Variants in PRSS36 observed in about 807,000 individuals in gnomAD.
The protein encoded by PRSS36 is serine protease 36.
PRSS36 carries 90 observed loss-of-function variants against 94.3 expected under a neutral mutation model. That is an observed-to-expected ratio of 0.95 (90% CI 0.80 to 1.14). The LOEUF (loss-of-function observed/expected upper bound fraction) is 1.14. Among genes scored for constraint, PRSS36 ranks in the 50% most tolerant of loss-of-function variants. The pLI is 0.00. For missense variants in PRSS36, 1,158 were observed against 1,135.0 expected, an observed-to-expected ratio of 1.02 and a Z score of -0.29; for synonymous variants, 500 against 489.6, an observed-to-expected ratio of 1.02 and a Z score of -0.28.
At chr16:31,144,197 C>T (rs1024392899) in intron 6 of PRSS36, among the ~76,000 whole-genome samples, 8 of 151,772 alleles carry the variant, frequency 5.3e-5, no homozygotes, top group Non-Finnish European at 8.8e-5. Flanking sequence ...TTTTTTGAGA[C>T]GGAATCTCGC....
In PRSS36 at chr16:31,141,602, G is replaced by A; in HGVS notation, c.1768C>T (p.Leu590=). The A allele has an allele frequency of 6.2e-7, 1 of 1,613,442 alleles. No homozygotes were observed. The highest frequency in any genetic ancestry group is 8.5e-7 in the Non-Finnish European group (1 of 1,179,946). Residue 590 remains leucine, a synonymous_variant, in exon 12 of 15, where the codon CTG becomes TTG. Coordinates refer to ENST00000268281, the MANE Select transcript of PRSS36 (RefSeq NM_173502.5). The stretch of plus-strand genomic sequence containing the variant: ...CCCACTGGAGCAGCCTCCAGCCGCA[G>A]GCCACAGGCTAGGGAGAGGAGGTGG... ...PPHTEHGACG[L]RLEAAPVGVL...
In PRSS36 at chr16:31,141,506, G is replaced by T; in HGVS notation, c.1864C>A (p.Pro622Thr). 6.2e-7 allele frequency: 1 copy of T among 1,612,968 alleles called. No individual in the cohort carries two copies. The highest frequency in any genetic ancestry group is 8.5e-7 in the Non-Finnish European group (1 of 1,179,908). ...TGAGTGGCTGCCAGGACCCAGCCTGGGGCCAGGAGGATCCCAGTGCAGACT... is the reference window on the plus strand; with the variant it reads ...TGAGTGGCTGCCAGGACCCAGCCTGTGGCCAGGAGGATCCCAGTGCAGACT... ...DRVCTGILLA[P>T]GWVLAATHCV... The change falls in exon 12 of 15, where the codon CCA (proline) becomes ACA (threonine). Residue 622 changes from proline to threonine, a missense_variant. Pro to Thr is a conservative substitution (Grantham distance 38). Coordinates refer to ENST00000268281, the MANE Select transcript of PRSS36 (RefSeq NM_173502.5).
intron 12 of PRSS36, among the ~76,000 whole-genome samples, chr16:31,141,051 C>G (rs1366301671): frequency 6.6e-6 from 1 of 152,148 alleles, no homozygotes; most frequent in African/African-American, 2.4e-5. Flanking sequence ...CTCAGCCTCC[C>G]ACGTAGCTGG....
intron 4 of PRSS36, 102 bp downstream of exon 4, chr16:31,148,971 A>T: frequency 7.5e-7 from 1 of 1,330,136 alleles, no homozygotes; most frequent in South Asian, 1.5e-5. Context: ...CTTGGCTCCA[A>T]ATTATCCTTG....
intron 5 of PRSS36, among the ~76,000 whole-genome samples, chr16:31,146,771 G>A (rs969910657): frequency 6.6e-6 from 1 of 152,096 alleles, no homozygotes; most frequent in Non-Finnish European, 1.5e-5. Context: ...CCTGAGGTTA[G>A]GAGTTCAAAA....
chr16:31,147,826 G>C (rs1247187099), intron 5 of PRSS36, among the ~76,000 whole-genome samples: 2 of 152,162 alleles, frequency 1.3e-5, no homozygotes, highest in Non-Finnish European at 2.9e-5. Context: ...TGGATGGAAT[G>C]AGAGGAAGGC....
rs753893928 is a variant in PRSS36, at chr16:31,140,623, G to C, written c.2036C>G (p.Pro679Arg). 3.1e-6 allele frequency: 5 copies of C among 1,612,364 alleles called. No homozygotes were observed. The highest frequency in any genetic ancestry group is 4.2e-6 in the Non-Finnish European group (5 of 1,179,272). The change falls in exon 13 of 15, where the codon CCC becomes CGC. Residue 679 changes from proline (P) to arginine (R), a missense_variant. Physicochemically the swap from Pro to Arg is moderately radical, Grantham distance 103 (BLOSUM62 -2). Transcript: ENST00000268281. ...RLPQHLGLRP[P>R]LALLELSSRV... is the part of the protein sequence containing the mutation. ...GGAGCTCAGCTCCAGGAGGGCCAGG[G>C]GGGGCCTGAGTCCCAGGTGCTGGGG...
rs1354774849 is a variant in PRSS36 at position 31,148,558 on chromosome 16, G to A, written c.390C>T (p.Asn130=). 3 of 1,607,714 alleles carry A rather than the reference G, an allele frequency of 1.9e-6. No homozygotes were observed. The highest frequency in any genetic ancestry group is 4.5e-5 in the East Asian group (2 of 44,778). ...RAVAAIVVPA[N]YSQVELGADL... is the part of the protein sequence containing the mutation. ...CGGCGCCCAGCTCCACTTGGCTGTAGTTGGCCGGCACCACGATGGCGGCCA... is the reference window on the plus strand; with the variant it reads ...CGGCGCCCAGCTCCACTTGGCTGTAATTGGCCGGCACCACGATGGCGGCCA... The change falls in exon 5 of 15, where the codon AAC becomes AAT. Residue 130 remains asparagine (N), a synonymous_variant. Transcript: ENST00000268281.
In PRSS36 at chr16:31,148,404, G is replaced by A; in HGVS notation, c.544C>T (p.Gln182Ter). 1 of 1,567,832 alleles carries A rather than the reference G, an allele frequency of 6.4e-7. No individual in the cohort carries two copies. Among genetic ancestry groups the A allele is most frequent in the South Asian group, 1.1e-5 (1 of 87,268 alleles). ...ACWATGWGDV[Q>*]EADPLPLPWV... is the part of the protein sequence containing the mutation. The stretch of plus-strand genomic sequence containing the variant: ...GTCCCGTCCCACTCACCTGCCTCCT[G>A]GACGTCTCCCCAGCCGGTGGCCCAG... The change falls in exon 5 of 15, where the codon CAG (glutamine) becomes TAG (stop). Residue 182 changes from glutamine to a stop codon, truncating the protein, a stop_gained. Coordinates refer to ENST00000268281, the MANE Select transcript of PRSS36 (RefSeq NM_173502.5). LOFTEE classifies it high-confidence loss of function.
intron 2 of PRSS36, 54 bp from the exon 3 acceptor site, chr16:31,149,552 C>T (rs1205511970): frequency 1.6e-5 from 26 of 1,609,934 alleles, no homozygotes; most frequent in Non-Finnish European, 1.7e-5. Context: ...AGGCCTGCAC[C>T]GCCCAGCCCC....
Position 31,143,682 on chromosome 16 carries a change from A to AC in PRSS36, c.875dup (p.Ser293PhefsTer32). ...TGGGAAAGGCAGGCCCAGGCTCTGAACCCATCACCTGCTCCCGTATCCATG... is the reference window on the plus strand; with the variant it reads ...TGGGAAAGGCAGGCCCAGGCTCTGAACCCCATCACCTGCTCCCGTATCCATG... On this transcript the variant is annotated frameshift_variant, in exon 7 of 15. Coordinates refer to ENST00000268281, the MANE Select transcript of PRSS36 (RefSeq NM_173502.5). LOFTEE classifies it high-confidence loss of function. 6.2e-7 allele frequency: 1 copy of AC among 1,614,022 alleles called. No homozygotes were observed. The highest frequency in any genetic ancestry group is 8.5e-7 in the Non-Finnish European group (1 of 1,180,000).
At position 31,139,039 on chromosome 16, in the gene PRSS36, GGGGCCCTTGAGGTTCCAGCCGGCT is replaced by G. The variant is rs1353474809; in HGVS notation, c.*75_*98del. The G allele has an allele frequency of 7.3e-7, 1 of 1,367,512 alleles. No individual in the cohort carries two copies. Among genetic ancestry groups the G allele is most frequent in the East Asian group, 2.4e-5 (1 of 41,788 alleles). The allele number at this position is 1,367,512 out of a possible 1,614,324, so 84.7% of individuals were successfully genotyped here. On this transcript the variant is annotated 3_prime_UTR_variant, in exon 15 of 15. Coordinates refer to ENST00000268281, the MANE Select transcript of PRSS36 (RefSeq NM_173502.5). ...CAGAGCCGCTGCAATCTCGGTGGGT[GGGGCCCTTGAGGTTCCAGCCGGCT>G]GGGCCACATTCCAGCCCCACTGGGC...
At position 31,143,705 on chromosome 16, in the gene PRSS36, A is replaced by G. The variant is rs2057754566; in HGVS notation, c.853T>C (p.Trp285Arg). 1 of 1,614,030 alleles carries G rather than the reference A, an allele frequency of 6.2e-7. No individual in the cohort carries two copies. Among genetic ancestry groups the G allele is most frequent in the Admixed American group, 1.7e-5 (1 of 60,006 alleles). Residue 285 changes from tryptophan to arginine, a missense_variant, in exon 7 of 15, where the codon TGG (tryptophan) becomes CGG (arginine). By Grantham distance (101) the Trp-to-Arg change is moderately radical (BLOSUM62 -3). Coordinates refer to ENST00000268281, the MANE Select transcript of PRSS36 (RefSeq NM_173502.5). ...GAACCCATCACCTGCTCCCGTATCCATGCCTCATAGGTAGCCACAGCAGTG... is the reference window on the plus strand; with the variant it reads ...GAACCCATCACCTGCTCCCGTATCCGTGCCTCATAGGTAGCCACAGCAGTG... ...VFTAVATYEA[W>R]IREQVMGSEP... is the part of the protein sequence containing the mutation.
chr16:31,144,660 C>T (rs891133888), intron 6 of PRSS36, among the ~76,000 whole-genome samples: 1 of 152,170 alleles, frequency 6.6e-6, no homozygotes, highest in Admixed American at 6.6e-5. Context: ...CATGGTGGCT[C>T]ATGCCTGTAA....
rs1030769284 is a variant in PRSS36, at chr16:31,143,592, C to T, written c.966G>A (p.Leu322=). Reference sequence around the variant, plus strand: ...CCAGGGGTGCCGCCCACTCACCAGGCAGGGCAATGGTGCAGTTCTCCTCCC... The same window carrying T: ...CCAGGGGTGCCGCCCACTCACCAGGTAGGGCAATGGTGCAGTTCTCCTCCC... ...EPREENCTIA[L]PECGKAPRPG... is the part of the protein sequence containing the mutation. Residue 322 remains leucine (L), a synonymous_variant, in exon 7 of 15, where the codon CTG becomes CTA. Coordinates refer to ENST00000268281, the MANE Select transcript of PRSS36 (RefSeq NM_173502.5). 6.2e-7 allele frequency: 1 copy of T among 1,614,004 alleles called. No individual in the cohort carries two copies. The highest frequency in any genetic ancestry group is 8.5e-7 in the Non-Finnish European group (1 of 1,179,980).
At position 31,142,661 on chromosome 16, in the gene PRSS36, A is replaced by G. The variant is rs2057723555; in HGVS notation, c.1358-17T>C. 3 of 1,418,486 alleles carry G rather than the reference A, an allele frequency of 2.1e-6. No individual in the cohort carries two copies. Among genetic ancestry groups the G allele is most frequent in the Non-Finnish European group, 2.8e-6 (3 of 1,085,314 alleles). 87.9% of individuals were successfully genotyped at this position (1,418,486 alleles called of 1,614,324 possible). A position where few individuals can be genotyped will look rare whatever the true frequency, so the allele number is the denominator to read the frequency against. On this transcript the variant is annotated splice_polypyrimidine_tract_variant and intron_variant, in intron 9 of 14. Transcript: ENST00000268281. ...GCGCGGGTTCTGGAAGGGAAAAGGC[A>G]GGGAGCCCGCGCTGCGGCCCAGACG...
At position 31,148,575 on chromosome 16, in the gene PRSS36, T is replaced by C; in HGVS notation, c.373A>G (p.Ile125Val). Reference protein sequence around the residue: ...DGAHTRAVAAIVVPANYSQVE... With the variant: ...DGAHTRAVAAVVVPANYSQVE... ...TGGCTGTAGTTGGCCGGCACCACGA[T>C]GGCGGCCACTGCGCGGGTGTGCGCG... Residue 125 changes from isoleucine (I) to valine (V), a missense_variant, in exon 5 of 15, where the codon ATC (isoleucine) becomes GTC (valine). By Grantham distance (29) the Ile-to-Val change is conservative. Transcript: ENST00000268281. 1 of 1,609,386 alleles carries C rather than the reference T, an allele frequency of 6.2e-7. No homozygotes were observed.
chr16:31,148,536 C>A lies in PRSS36; in HGVS notation c.412G>T (p.Ala138Ser). ...GCCAGGCGCAGCAGGGCCAGGTCGG[C>A]GCCCAGCTCCACTTGGCTGTAGTTG... The part of the protein sequence containing the change: ...PANYSQVELG[A>S]DLALLRLASP... The change falls in exon 5 of 15, where the codon GCC becomes TCC. Residue 138 changes from alanine (A) to serine (S), a missense_variant. Transcript: ENST00000268281. 6.3e-7 allele frequency: 1 copy of A among 1,599,734 alleles called. No individual in the cohort carries two copies. The highest frequency in any genetic ancestry group is 8.5e-7 in the Non-Finnish European group (1 of 1,175,978).
Position 31,140,358 on chromosome 16 carries a change from TGATAGAGGCAGTCACA to T in PRSS36, c.2209_2224del (p.Cys737ArgfsTer23). ...GAGGGTTCCAGGGGGCAGGATGCCCTGATAGAGGCAGTCACAGATTCGTTGTGTCAAGATGGAGACA... is the reference window on the plus strand; with the variant it reads ...GAGGGTTCCAGGGGGCAGGATGCCCTGATTCGTTGTGTCAAGATGGAGACA... On this transcript the variant is annotated frameshift_variant, in exon 14 of 15. Coordinates refer to ENST00000268281, the MANE Select transcript of PRSS36 (RefSeq NM_173502.5). LOFTEE classifies it high-confidence loss of function. The T allele has an allele frequency of 6.2e-7, 1 of 1,614,070 alleles. No individual in the cohort carries two copies. Among genetic ancestry groups the T allele is most frequent in the Non-Finnish European group, 8.5e-7 (1 of 1,179,976 alleles).
Sources: gnomAD v4.1 joint callset for allele counts (sites outside exome capture counted in the v4.1 genomes callset) on GRCh38, gnomAD v4.1.1 for gene constraint, MANE v1.5 for transcripts, NCBI Gene and HGNC (gene_info 2026-07-23, HGNC 2026-07-21) for gene names.